AGMO: variants seen among roughly 807,000 people sequenced by gnomAD.
The protein encoded by AGMO is alkylglycerol monooxygenase.
Under a neutral mutation model 60.2 loss-of-function variants are expected in AGMO, and 75 were observed. The observed-to-expected ratio is 1.25, with a 90% CI of 1.03 to 1.51. AGMO has a LOEUF of 1.51. Ranked by LOEUF, AGMO falls within the 40% of genes most tolerant of loss-of-function variation. AGMO has a pLI of 0.00. For missense variants in AGMO, 763 were observed against 525.5 expected (o/e 1.45, Z -4.42); for synonymous variants, 261 against 177.1 (o/e 1.47, Z -3.76).
chr7:15,471,587 A>G (rs1434838018), intron 3 of AGMO, among the ~76,000 whole-genome samples: 1 of 151,902 alleles, frequency 6.6e-6, no homozygotes, highest in Non-Finnish European at 1.5e-5. Flanking sequence ...TTACCTTACA[A>G]TAAAGCAGCA....
At chr7:15,518,508 A>T (rs1432759913) in intron 3 of AGMO, among the ~76,000 whole-genome samples, 1 of 152,138 alleles carries the variant, frequency 6.6e-6, no homozygotes, top group Non-Finnish European at 1.5e-5. Flanking sequence ...TGCAGCCTCC[A>T]CTTGTGATAC....
chr7:15,340,908 T>A (rs1286781311), intron 12 of AGMO, among the ~76,000 whole-genome samples: 2 of 152,002 alleles, frequency 1.3e-5, no homozygotes, highest in African/African-American at 2.4e-5. Context: ...AATGGTAGAT[T>A]CACTGACAGC....
intron 12 of AGMO, among the ~76,000 whole-genome samples, chr7:15,288,630 C>A (rs923826986): frequency 6.6e-6 from 1 of 151,838 alleles, no homozygotes; most frequent in Non-Finnish European, 1.5e-5. Flanking sequence ...TCTTACAAAT[C>A]TGCAAATTTC....
intron 3 of AGMO, among the ~76,000 whole-genome samples, chr7:15,504,557 T>C (rs1002273605): frequency 6.6e-6 from 1 of 152,028 alleles, no homozygotes; most frequent in African/African-American, 2.4e-5. Flanking sequence ...GCTCAACTGA[T>C]CATAGTGGAT....
chr7:15,438,035 A>C (rs1325726456), intron 3 of AGMO, among the ~76,000 whole-genome samples: 1 of 152,134 alleles, frequency 6.6e-6, no homozygotes, highest in Non-Finnish European at 1.5e-5. Context: ...TAGTATGCAG[A>C]ATTTAAAAAA....
At chr7:15,321,361 C>G (rs1442656884) in intron 12 of AGMO, among the ~76,000 whole-genome samples, 1 of 152,174 alleles carries the variant, frequency 6.6e-6, no homozygotes, top group Admixed American at 6.6e-5. Flanking sequence ...CCAAACACTT[C>G]TGACACTAGA....
rs189459988 is a variant in AGMO, at chr7:15,387,034, T to C, written c.957+372A>G. Among the ~76,000 whole-genome samples the C allele has an allele frequency of 4.9e-3, 749 of 152,308 alleles. 9 individuals are homozygous for C. Among genetic ancestry groups the C allele is most frequent in the Middle Eastern group, 3.4e-3 (1 of 294 alleles). ...AGTTTTTCATGAGTGGAGTTAAGTTTAGACTGGCTCATTCCTAAGGCTCCC... is the reference window on the plus strand; with the variant it reads ...AGTTTTTCATGAGTGGAGTTAAGTTCAGACTGGCTCATTCCTAAGGCTCCC... On this transcript the variant is annotated intron_variant, in intron 9 of 12. Coordinates refer to ENST00000342526, the MANE Select transcript of AGMO (RefSeq NM_001004320.2).
intron 12 of AGMO, among the ~76,000 whole-genome samples, chr7:15,228,319 C>T (rs1039027732): frequency 6.6e-6 from 1 of 152,024 alleles, no homozygotes; most frequent in Non-Finnish European, 1.5e-5. Flanking sequence ...AAATACTCCA[C>T]ATAGGGCATA....
the AGMO span, among the ~76,000 whole-genome samples, chr7:15,118,500 TCA>T: frequency 3.3e-5 from 5 of 152,142 alleles, no homozygotes; most frequent in South Asian, 2.1e-4. Flanking sequence ...ACTTGGTCTA[TCA>T]CAGTTTCCCT....
intron 12 of AGMO, among the ~76,000 whole-genome samples, chr7:15,215,202 T>C (rs939964012): frequency 6.6e-6 from 1 of 152,118 alleles, no homozygotes; most frequent in Non-Finnish European, 1.5e-5. Context: ...GCAAGACTCG[T>C]AGAGAAACTT....
intron 12 of AGMO, among the ~76,000 whole-genome samples, chr7:15,212,663 G>T (rs778560628): frequency 6.6e-5 from 10 of 151,838 alleles, no homozygotes; most frequent in Admixed American, 3.9e-4. Context: ...TTCTTACAAG[G>T]GTAAGCGATG....
chr7:15,264,191 A>G (rs189603545), intron 12 of AGMO, among the ~76,000 whole-genome samples: 1 of 152,102 alleles, frequency 6.6e-6, no homozygotes, highest in African/African-American at 2.4e-5. Flanking sequence ...TTAAAAAACA[A>G]CCTTTTAAAA....
At chr7:15,195,167 C>T in the AGMO span, among the ~76,000 whole-genome samples, 12,704 of 152,118 alleles carry the variant, frequency 0.084, 1,687 homozygotes, top group African/African-American at 0.28. Context: ...CAAACCTAAC[C>T]CCCTGTATAT....
chr7:15,141,649 A>C, the AGMO span, among the ~76,000 whole-genome samples: 1 of 152,172 alleles, frequency 6.6e-6, no homozygotes, highest in South Asian at 2.1e-4. Context: ...GTTTAGTTTT[A>C]TTTCTCTAAG....
At chr7:15,561,418 A>G (rs1470068281) in intron 1 of AGMO, among the ~76,000 whole-genome samples, 2 of 152,334 alleles carry the variant, frequency 1.3e-5, no homozygotes, top group East Asian at 1.9e-4. Flanking sequence ...ACTATTTGTC[A>G]TTGAGCTTCC....
chr7:15,134,342 G>C, the AGMO span, among the ~76,000 whole-genome samples: 1 of 151,828 alleles, frequency 6.6e-6, no homozygotes, highest in Non-Finnish European at 1.5e-5. Context: ...GCTAATTTTT[G>C]TAATTTTTTT....
At chr7:15,418,799 A>G (rs1780852306) in intron 4 of AGMO, 146 bp from the exon 5 acceptor site, 1 of 562,312 alleles carries the variant, frequency 1.8e-6, no homozygotes, top group Non-Finnish European at 3.0e-6. Context: ...TTACTTTGCA[A>G]CATTAATTTT....
chr7:15,148,318 T>C, the AGMO span, among the ~76,000 whole-genome samples: 1 of 152,152 alleles, frequency 6.6e-6, no homozygotes, highest in South Asian at 2.1e-4. Flanking sequence ...GGTTTACAGT[T>C]ATTTTCTATT....
intron 12 of AGMO, among the ~76,000 whole-genome samples, chr7:15,336,103 T>C (rs1206728615): frequency 2.0e-5 from 3 of 152,144 alleles, no homozygotes; most frequent in African/African-American, 7.2e-5. Flanking sequence ...TACTATTCCT[T>C]CTATTTATTT....
Sources: gnomAD v4.1 joint callset for allele counts (sites outside exome capture counted in the v4.1 genomes callset) on GRCh38, gnomAD v4.1.1 for gene constraint, MANE v1.5 for transcripts, NCBI Gene and HGNC (gene_info 2026-07-23, HGNC 2026-07-21) for gene names.